ANKRD30A: variants seen among roughly 807,000 people sequenced by gnomAD.
ANKRD30A encodes ankyrin repeat domain 30A, also known as ankyrin repeat domain-containing protein 30A.
Under a neutral mutation model 166.3 loss-of-function variants are expected in ANKRD30A, and 170 were observed. The ratio of observed to expected loss-of-function variants is 1.02; its 90% CI spans 0.90 to 1.16. The LOEUF (loss-of-function observed/expected upper bound fraction) is 1.16. Among genes scored for constraint, ANKRD30A ranks in the 50% most tolerant of loss-of-function variants. ANKRD30A has a pLI of 0.00. For synonymous variants in ANKRD30A, 564 were observed against 508.9 expected, an observed-to-expected ratio of 1.11 and a Z score of -1.46; for missense variants, 1,630 against 1,518.0, an observed-to-expected ratio of 1.07 and a Z score of -1.23.
At chr10:37,256,312 A>C in the ANKRD30A span, among the ~76,000 whole-genome samples, 1 of 152,214 alleles carries the variant, frequency 6.6e-6, no homozygotes, top group East Asian at 1.9e-4. Context: ...GCTGGAGTGC[A>C]GTGGCACAAT....
At chr10:37,218,522 A>T (rs539490508) in intron 33 of ANKRD30A, among the ~76,000 whole-genome samples, 171 of 151,200 alleles carry the variant, frequency 1.1e-3, no homozygotes, top group South Asian at 3.5e-3. Flanking sequence ...TTAAAAAGAT[A>T]GAATATCTAG....
chr10:37,141,399 C>A (rs1003171841), intron 6 of ANKRD30A, among the ~76,000 whole-genome samples: 10 of 151,628 alleles, frequency 6.6e-5, no homozygotes, highest in African/African-American at 2.2e-4. Context: ...TGGTGAAACC[C>A]GTCTCTACTA....
intron 1 of ANKRD30A, among the ~76,000 whole-genome samples, chr10:37,126,262 C>T (rs181373979): frequency 0.013 from 1,939 of 152,344 alleles, 16 homozygotes; most frequent in Non-Finnish European, 0.019. Context: ...TAGCTGCTTT[C>T]TCCTTCACTC....
At chr10:37,264,452 T>G in the ANKRD30A span, 1 of 191,012 alleles carries the variant, frequency 5.2e-6, no homozygotes, top group Non-Finnish European at 1.1e-5. Flanking sequence ...GATGCAGGGA[T>G]TCTGTAGTGG....
chr10:37,204,683 C>T (rs920433756), intron 31 of ANKRD30A, among the ~76,000 whole-genome samples: 4 of 150,960 alleles, frequency 2.6e-5, no homozygotes, highest in Admixed American at 1.3e-4. Flanking sequence ...AATGAACAGG[C>T]AACCTTTTTG....
chr10:37,183,460 G>T (rs1221305325), intron 24 of ANKRD30A, among the ~76,000 whole-genome samples: 4 of 146,854 alleles, frequency 2.7e-5, no homozygotes, highest in African/African-American at 9.9e-5. Flanking sequence ...TCTTGTATAT[G>T]AAATAATGTC....
intron 31 of ANKRD30A, among the ~76,000 whole-genome samples, chr10:37,209,826 AT>A (rs889150036): frequency 2.4e-4 from 36 of 151,594 alleles, no homozygotes; most frequent in Non-Finnish European, 4.1e-4. Context: ...GAGATATTAT[AT>A]TTTTTTTGAC....
chr10:37,189,825 A>T (rs191789858), intron 25 of ANKRD30A, among the ~76,000 whole-genome samples: 10,757 of 151,084 alleles, frequency 0.071, 551 homozygotes, highest in African/African-American at 0.098. Flanking sequence ...AGAAAGTAGT[A>T]ATAGAGTAAA....
chr10:37,216,263 A>G lies in ANKRD30A; in HGVS notation c.2952A>G (p.Gln984=), dbSNP rs1194221692. 5 of 1,608,640 alleles carry G rather than the reference A, an allele frequency of 3.1e-6. No individual in the cohort carries two copies. Among genetic ancestry groups the G allele is most frequent in the Non-Finnish European group, 4.3e-6 (5 of 1,176,196 alleles). Residue 984 remains glutamine (Q), a synonymous_variant, in exon 32 of 36, where the codon CAA becomes CAG. Coordinates refer to ENST00000361713, the MANE Select transcript of ANKRD30A (RefSeq NM_052997.3). ...ARELQKDHCE[Q]RTGKMEQMKK... is the part of the protein sequence containing the mutation. Reference sequence around the variant, plus strand: ...AACTTCAAAAAGATCACTGTGAACAACGTACAGGAAAAATGGAACAAATGA... The same window carrying G: ...AACTTCAAAAAGATCACTGTGAACAGCGTACAGGAAAAATGGAACAAATGA...
At chr10:37,204,478 T>C (rs1412531570) in intron 31 of ANKRD30A, among the ~76,000 whole-genome samples, 2 of 152,188 alleles carry the variant, frequency 1.3e-5, no homozygotes, top group African/African-American at 2.4e-5. Context: ...CAAGATGGAT[T>C]AAAGACTTAA....
In ANKRD30A at chr10:37,172,029, A is replaced by G. The variant is rs530909528; in HGVS notation, c.2258-1683A>G. On this transcript the variant is annotated intron_variant, in intron 21 of 35. Coordinates refer to ENST00000361713, the MANE Select transcript of ANKRD30A (RefSeq NM_052997.3). ...CCACATTACTTTAGAAAACATAAAC[A>G]AAAGATAGTTACACTTATTTATTTA... Among the ~76,000 whole-genome samples the G allele has an allele frequency of 7.7e-3, 1,117 of 144,966 alleles. 51 individuals carry two copies. The highest frequency in any genetic ancestry group is 0.027 in the African/African-American group (1,064 of 38,696).
At chr10:37,205,607 A>C (rs1032414663) in intron 31 of ANKRD30A, among the ~76,000 whole-genome samples, 1 of 152,218 alleles carries the variant, frequency 6.6e-6, no homozygotes, top group African/African-American at 2.4e-5. Context: ...ATAACAACAA[A>C]AAAAATTTCC....
intron 34 of ANKRD30A, among the ~76,000 whole-genome samples, chr10:37,227,455 T>A (rs1489358608): frequency 6.6e-6 from 1 of 151,982 alleles, no homozygotes; most frequent in Non-Finnish European, 1.5e-5. Flanking sequence ...TGTGCAGGTC[T>A]GTTTTTGGAT....
intron 24 of ANKRD30A, among the ~76,000 whole-genome samples, chr10:37,183,085 A>G (rs1840142118): frequency 2.0e-5 from 3 of 149,210 alleles, no homozygotes; most frequent in African/African-American, 7.4e-5. Context: ...AAAAGTCGAC[A>G]TTAAATGGCA....
the ANKRD30A span, among the ~76,000 whole-genome samples, chr10:37,252,907 A>G: frequency 6.6e-6 from 1 of 152,240 alleles, no homozygotes; most frequent in Admixed American, 6.5e-5. Flanking sequence ...TCCATAAAAT[A>G]TGAAACACAT....
intron 34 of ANKRD30A, among the ~76,000 whole-genome samples, chr10:37,221,045 T>A (rs1842874170): frequency 2.5e-5 from 1 of 40,354 alleles, no homozygotes; most frequent in Non-Finnish European, 6.4e-5. Flanking sequence ...CCTTCCCACA[T>A]TTTTTTTTTT....
Position 37,196,101 on chromosome 10 carries a change from T to G in ANKRD30A, c.2615-1180T>G, listed in dbSNP as rs1301110558. 3.4e-5 allele frequency among the ~76,000 whole-genome samples: 5 copies of G among 148,236 alleles called. No individual in the cohort carries two copies. The South Asian group carries it at 8.4e-4, about 25-fold the overall frequency. On this transcript the variant is annotated intron_variant, in intron 27 of 35. Transcript: ENST00000361713. ...GTTTTTTTATATTTTCTATTTTTTT[T>G]TTTTTTTTTTTGTAGTAGAAGCATT...
At chr10:37,167,211 C>T (rs964450249) in intron 19 of ANKRD30A, among the ~76,000 whole-genome samples, 1 of 149,882 alleles carries the variant, frequency 6.7e-6, no homozygotes, top group African/African-American at 2.5e-5. Context: ...CTGGAGACTA[C>T]TGGAATCATG....
chr10:37,252,494 A>T, the ANKRD30A span, among the ~76,000 whole-genome samples: 1 of 152,172 alleles, frequency 6.6e-6, no homozygotes, highest in Non-Finnish European at 1.5e-5. Flanking sequence ...ATTAGCTTAA[A>T]CTATTTCCGA....
Sources: gnomAD v4.1 joint callset for allele counts (sites outside exome capture counted in the v4.1 genomes callset) on GRCh38, gnomAD v4.1.1 for gene constraint, MANE v1.5 for transcripts, NCBI Gene and HGNC (gene_info 2026-07-23, HGNC 2026-07-21) for gene names.